Variants in RASSF8 observed in about 807,000 individuals in gnomAD.
The protein encoded by RASSF8 is Ras association domain family member 8, also known as ras association domain-containing protein 8.
In RASSF8, 22 loss-of-function variants were observed where a neutral mutation model predicts 48.5. That is an observed-to-expected ratio of 0.45 (90% CI 0.32 to 0.65). The LOEUF (loss-of-function observed/expected upper bound fraction) is 0.65. Among genes scored for constraint, RASSF8 ranks in the 30% least tolerant of loss-of-function variants. The pLI is 0.03. For synonymous variants in RASSF8, 127 were observed against 171.5 expected (o/e 0.74, Z 2.03); for missense variants, 418 against 489.2 (o/e 0.85, Z 1.37).
intron 5 of RASSF8, among the ~76,000 whole-genome samples, chr12:26,078,808 T>C (rs986006899): frequency 1.3e-5 from 2 of 152,172 alleles, no homozygotes; most frequent in East Asian, 3.9e-4. Context: ...AACCTAAAGA[T>C]ATGTATTTTT....
intron 2 of RASSF8, among the ~76,000 whole-genome samples, chr12:26,022,855 C>T (rs1167211593): frequency 6.6e-6 from 1 of 152,120 alleles, no homozygotes; most frequent in Non-Finnish European, 1.5e-5. Flanking sequence ...AGTTCTCCTG[C>T]CTCAGCCTCC....
chr12:26,068,727 G>T lies in RASSF8; in HGVS notation c.1169G>T (p.Arg390Leu). 1 of 1,537,304 alleles carries T rather than the reference G, an allele frequency of 6.5e-7. No individual in the cohort carries two copies. Among genetic ancestry groups the T allele is most frequent in the South Asian group, 1.2e-5 (1 of 84,042 alleles). The change falls in exon 6 of 6, where the codon CGA becomes CTA. Residue 390 changes from arginine to leucine, a missense_variant. Physicochemically the swap from Arg to Leu is moderately radical, Grantham distance 102. Transcript: ENST00000689635. ...EAPFQSGSLKRPGSSRQLPSN... is the reference protein window; with the variant it reads ...EAPFQSGSLKLPGSSRQLPSN... ...CCATTCCAGTCTGGGTCCCTGAAGC[G>T]ACCTGGTTCATCTCGGCAGCTCCCC...
chr12:26,052,880 A>G (rs1943522279), intron 2 of RASSF8: 1 of 152,230 alleles, frequency 6.6e-6, no homozygotes, highest in African/African-American at 2.4e-5. Context: ...CTAAAAGTTC[A>G]AAGTGAAACA....
chr12:25,960,406 A>G (rs1277610672), intron 1 of RASSF8, among the ~76,000 whole-genome samples: 3 of 152,174 alleles, frequency 2.0e-5, no homozygotes, highest in African/African-American at 7.2e-5. Flanking sequence ...GGGTGGACGC[A>G]AAAATCAGGA....
chr12:26,074,491 C>T (rs557401631), downstream of RASSF8, among the ~76,000 whole-genome samples: 19 of 151,726 alleles, frequency 1.3e-4, no homozygotes, highest in South Asian at 2.1e-3. Flanking sequence ...TACAGGCGTC[C>T]GCCACCATGC....
At chr12:26,023,949 A>C (rs1249014942) in intron 2 of RASSF8, among the ~76,000 whole-genome samples, 1 of 152,220 alleles carries the variant, frequency 6.6e-6, no homozygotes, top group Non-Finnish European at 1.5e-5. Context: ...ATGGTAAATA[A>C]GATTAACATA....
Position 26,072,633 on chromosome 12 carries a change from T to G in RASSF8, c.*3815T>G. On this transcript the variant is annotated 3_prime_UTR_variant, in exon 6 of 6. Transcript: ENST00000689635. ...TTTCTTTATTGACCCTAGGAGGATT[T>G]GAGTTGCTGCAGCTTTAAACAGAAA... is the stretch of plus-strand genomic sequence containing the variant. The G allele has an allele frequency of 1.0e-6, 1 of 985,290 alleles. No homozygotes were observed. The highest frequency in any genetic ancestry group is 4.7e-5 in the South Asian group (1 of 21,282). The allele number at this position is 985,290 out of a possible 1,614,324, so 61.0% of individuals were successfully genotyped here. A position where few individuals can be genotyped will look rare whatever the true frequency, so the allele number is the denominator to read the frequency against.
intron 1 of RASSF8, among the ~76,000 whole-genome samples, chr12:25,993,511 C>A (rs1942061749): frequency 6.6e-6 from 1 of 152,170 alleles, no homozygotes; most frequent in Non-Finnish European, 1.5e-5. Flanking sequence ...AGAAACCAGG[C>A]TAGACTTCAG....
chr12:26,027,539 A>G (rs777634662), intron 2 of RASSF8, among the ~76,000 whole-genome samples: 10 of 152,224 alleles, frequency 6.6e-5, no homozygotes, highest in Non-Finnish European at 1.5e-4. Context: ...AAATGCTTTC[A>G]TGTTTTCATG....
intron 2 of RASSF8, among the ~76,000 whole-genome samples, chr12:25,995,836 A>G (rs991780887): frequency 1.3e-5 from 2 of 152,172 alleles, no homozygotes; most frequent in African/African-American, 4.8e-5. Flanking sequence ...AATTCTTCAC[A>G]CTTTACAGGT....
chr12:26,008,623 C>G (rs1218382087), intron 2 of RASSF8, among the ~76,000 whole-genome samples: 1 of 152,146 alleles, frequency 6.6e-6, no homozygotes, highest in Admixed American at 6.5e-5. Context: ...GTGATTTTTA[C>G]ATTAATAACA....
intron 2 of RASSF8, among the ~76,000 whole-genome samples, chr12:26,053,340 T>C (rs2137230153): frequency 6.6e-6 from 1 of 152,288 alleles, no homozygotes; most frequent in African/African-American, 2.4e-5. Context: ...TTAATCCAGC[T>C]TTTACAAAAA....
intron 2 of RASSF8, chr12:26,011,952 T>G (rs56399330): frequency 0.1 from 15,961 of 152,308 alleles, 894 homozygotes; most frequent in Middle Eastern, 0.16. Context: ...TGTTATTTTA[T>G]GCGTATCATA....
At chr12:26,031,367 T>A (rs1463946527) in intron 2 of RASSF8, among the ~76,000 whole-genome samples, 1 of 152,200 alleles carries the variant, frequency 6.6e-6, no homozygotes, top group African/African-American at 2.4e-5. Context: ...TCAAAGTATA[T>A]TTTGGCTCAT....
chr12:26,073,967 G>T (rs1452525292), downstream of RASSF8, among the ~76,000 whole-genome samples: 10 of 150,828 alleles, frequency 6.6e-5, no homozygotes, highest in East Asian at 3.9e-4. Flanking sequence ...TATAGAGAGA[G>T]AGAGAGAGTC....
At chr12:26,076,230 CTG>C (rs1389314169), downstream of RASSF8, among the ~76,000 whole-genome samples, 1 of 151,832 alleles carries the variant, frequency 6.6e-6, no homozygotes, top group Non-Finnish European at 1.5e-5. Context: ...CCAATCGTGA[CTG>C]TGACTGCCAG....
At chr12:26,045,459 C>T (rs992779018) in intron 2 of RASSF8, among the ~76,000 whole-genome samples, 6 of 152,100 alleles carry the variant, frequency 3.9e-5, no homozygotes, top group African/African-American at 1.2e-4. Flanking sequence ...GTTTTATTAC[C>T]GTTTCCTCAC....
In RASSF8 at chr12:25,983,484, C is replaced by G. The variant is rs574177934; in HGVS notation, c.-202-11553C>G. On this transcript the variant is annotated intron_variant, in intron 1 of 5. Coordinates refer to ENST00000689635, the MANE Select transcript of RASSF8 (RefSeq NM_001394098.1). Reference sequence around the variant, plus strand: ...TATCTAGAAACTGATCTTATCAGTTCTCTACTAAAGGTAATGTTCTCTACT... The same window carrying G: ...TATCTAGAAACTGATCTTATCAGTTGTCTACTAAAGGTAATGTTCTCTACT... 2.0e-5 allele frequency among the ~76,000 whole-genome samples: 3 copies of G among 152,260 alleles called. No individual in the cohort carries two copies. The South Asian group carries it at 6.2e-4, about 32-fold the overall frequency.
At chr12:25,961,497 A>C (rs1941233512) in intron 1 of RASSF8, among the ~76,000 whole-genome samples, 1 of 152,074 alleles carries the variant, frequency 6.6e-6, no homozygotes, top group Admixed American at 6.5e-5. Context: ...GTGTAGAGAG[A>C]GTTTCCAAGT....
Sources: gnomAD v4.1 joint callset for allele counts (sites outside exome capture counted in the v4.1 genomes callset) on GRCh38, gnomAD v4.1.1 for gene constraint, MANE v1.5 for transcripts, NCBI Gene and HGNC (gene_info 2026-07-23, HGNC 2026-07-21) for gene names.